SH3RF3: variants seen among roughly 807,000 people sequenced by gnomAD.
SH3RF3 encodes the protein SH3 domain containing ring finger 3, also known as E3 ubiquitin-protein ligase SH3RF3.
Under a neutral mutation model 66.3 loss-of-function variants are expected in SH3RF3, and 29 were observed. That is an observed-to-expected ratio of 0.44 (90% CI 0.33 to 0.60). The LOEUF is 0.60. Among genes scored for constraint, SH3RF3 ranks in the 20% least tolerant of loss-of-function variants. The pLI is 0.04. For synonymous variants in SH3RF3, 583 were observed against 532.0 expected (o/e 1.10, Z -1.32); for missense variants, 1,194 against 1,190.9 (o/e 1.00, Z -0.04).
intron 8 of SH3RF3, 73 bp downstream of exon 8, chr2:109,449,562 C>A: frequency 1.3e-6 from 2 of 1,523,834 alleles, no homozygotes; most frequent in Non-Finnish European, 1.8e-6. Context: ...CACTAGATGG[C>A]AGTGGCATTT....
At chr2:109,465,675 T>C (rs902180368) in intron 8 of SH3RF3, among the ~76,000 whole-genome samples, 1 of 152,216 alleles carries the variant, frequency 6.6e-6, no homozygotes, top group African/African-American at 2.4e-5. Flanking sequence ...CTGCAGGCTC[T>C]ACAGGAAGCA....
At position 109,502,210 on chromosome 2, in the gene SH3RF3, G is replaced by GTTCC. The variant is rs1218254022; in HGVS notation, c.*539_*540insTTCC. On this transcript the variant is annotated 3_prime_UTR_variant, in exon 10 of 10. Transcript: ENST00000309415. Reference sequence around the variant, plus strand: ...GAGGCCCTGGGGGTGCCCCGGAAGGGGCACCCCACCGCCCCTGTTGGGAAC... The same window carrying GTTCC: ...GAGGCCCTGGGGGTGCCCCGGAAGGGTTCCGCACCCCACCGCCCCTGTTGGGAAC... 6.6e-6 allele frequency: 1 copy of GTTCC among 151,838 alleles called. No homozygotes were observed. The highest frequency in any genetic ancestry group is 1.5e-5 in the Non-Finnish European group (1 of 67,994). The allele number at this position is 151,838 out of a possible 1,614,324, so 9.4% of individuals were successfully genotyped here.
intron 1 of SH3RF3, among the ~76,000 whole-genome samples, chr2:109,248,656 C>A (rs1679978075): frequency 6.6e-6 from 1 of 152,172 alleles, no homozygotes; most frequent in South Asian, 2.1e-4. Context: ...ATAATTAGTA[C>A]ACTTGGTGAG....
chr2:109,234,116 T>G (rs1238534555), intron 1 of SH3RF3, among the ~76,000 whole-genome samples: 1 of 152,224 alleles, frequency 6.6e-6, no homozygotes, highest in Non-Finnish European at 1.5e-5. Context: ...GTGTTTAATT[T>G]CCTTATAGGA....
chr2:109,241,859 G>A (rs927337406), intron 1 of SH3RF3, among the ~76,000 whole-genome samples: 4 of 151,292 alleles, frequency 2.6e-5, no homozygotes, highest in Admixed American at 6.6e-5. Context: ...TCCGCCTCCC[G>A]GGTTCACGCC....
intron 5 of SH3RF3, among the ~76,000 whole-genome samples, chr2:109,426,270 A>C (rs570618385): frequency 3.3e-5 from 5 of 152,372 alleles, no homozygotes; most frequent in African/African-American, 1.2e-4. Context: ...GGATCTGGGC[A>C]AAGTAAATTG....
intron 1 of SH3RF3, among the ~76,000 whole-genome samples, chr2:109,299,904 A>G (rs1681414185): frequency 6.6e-6 from 1 of 152,218 alleles, no homozygotes; most frequent in Non-Finnish European, 1.5e-5. Flanking sequence ...CCTGAATGAC[A>G]AGTAGGATGT....
intron 8 of SH3RF3, among the ~76,000 whole-genome samples, chr2:109,462,689 G>A (rs1255427753): frequency 1.3e-5 from 2 of 152,192 alleles, no homozygotes; most frequent in Non-Finnish European, 2.9e-5. Flanking sequence ...CTCTCCACAG[G>A]TCAGGAAACC....
chr2:109,193,043 A>G (rs772073015), intron 1 of SH3RF3, among the ~76,000 whole-genome samples: 13 of 152,242 alleles, frequency 8.5e-5, no homozygotes, highest in African/African-American at 1.2e-4. Flanking sequence ...ACAGATGTCA[A>G]TGTGCCAAGA....
chr2:109,447,758 A>G lies in SH3RF3; in HGVS notation c.1829-1412A>G, dbSNP rs565699176. Reference sequence around the variant, plus strand: ...TAACACACATAGTAGCAGGATTACTATTAATGTGGTGCTGTGTTTAAAGGG... The same window carrying G: ...TAACACACATAGTAGCAGGATTACTGTTAATGTGGTGCTGTGTTTAAAGGG... On this transcript the variant is annotated intron_variant, in intron 7 of 9. Transcript: ENST00000309415. Among the ~76,000 whole-genome samples, 8 of 152,326 alleles carry G rather than the reference A, an allele frequency of 5.3e-5. No individual in the cohort carries two copies. The East Asian group carries it at 1.4e-3, about 26-fold the overall frequency.
At chr2:109,188,668 C>T (rs1321029829) in intron 1 of SH3RF3, among the ~76,000 whole-genome samples, 6 of 152,164 alleles carry the variant, frequency 3.9e-5, no homozygotes, top group African/African-American at 1.4e-4. Context: ...GAATGCAAAG[C>T]GCTTGGGTTT....
intron 1 of SH3RF3, among the ~76,000 whole-genome samples, chr2:109,251,822 T>G (rs922712222): frequency 5.3e-5 from 8 of 152,208 alleles, no homozygotes; most frequent in Non-Finnish European, 5.9e-5. Flanking sequence ...TTTAATATTT[T>G]TAATACCAAT....
intron 1 of SH3RF3, among the ~76,000 whole-genome samples, chr2:109,182,692 T>G (rs1268941069): frequency 6.6e-6 from 1 of 152,250 alleles, no homozygotes; most frequent in Non-Finnish European, 1.5e-5. Flanking sequence ...GCTAGGCTGG[T>G]ATTTCCTTGA....
chr2:109,154,400 C>T (rs1455175391), intron 1 of SH3RF3, among the ~76,000 whole-genome samples: 1 of 152,178 alleles, frequency 6.6e-6, no homozygotes, highest in Admixed American at 6.5e-5. Context: ...GGCCCCCCAG[C>T]GCTGCTGCCA....
rs369111417 is a variant in SH3RF3 at position 109,445,138 on chromosome 2, A to C, written c.1829-4032A>C. Among the ~76,000 whole-genome samples, 6 of 152,352 alleles carry C rather than the reference A, an allele frequency of 3.9e-5. No homozygotes were observed. In the East Asian group the frequency reaches 9.6e-4, roughly 24 times the overall value. On this transcript the variant is annotated intron_variant, in intron 7 of 9. Transcript: ENST00000309415. ...AAGCCATACAGAGGAATTTATCCAG[A>C]ATACAGAGCAGAGATGAAAAATGTG... is the stretch of plus-strand genomic sequence containing the variant.
intron 1 of SH3RF3, among the ~76,000 whole-genome samples, chr2:109,242,570 G>A (rs902381879): frequency 1.3e-5 from 2 of 152,198 alleles, no homozygotes; most frequent in African/African-American, 2.4e-5. Flanking sequence ...ACTGACCACC[G>A]TGCCCCAGGC....
intron 9 of SH3RF3, among the ~76,000 whole-genome samples, chr2:109,496,008 C>T (rs754187779): frequency 5.3e-5 from 8 of 152,194 alleles, no homozygotes; most frequent in Non-Finnish European, 7.3e-5. Flanking sequence ...CAGACCTTCG[C>T]GGTGAAGAGC....
intron 5 of SH3RF3, among the ~76,000 whole-genome samples, chr2:109,424,088 G>T (rs1676966409): frequency 6.6e-6 from 1 of 152,206 alleles, no homozygotes; most frequent in Admixed American, 6.5e-5. Context: ...CATTGTCTAG[G>T]CTGGGTTTCC....
rs751695293 is a variant in SH3RF3, at chr2:109,399,011, A to G, written c.1299+68A>G. The G allele has an allele frequency of 2.2e-4, 315 of 1,464,808 alleles. 1 individual carries two copies. Among genetic ancestry groups the G allele is most frequent in the Non-Finnish European group, 2.7e-4 (293 of 1,089,558 alleles). The allele number at this position is 1,464,808 out of a possible 1,614,324, so 90.7% of individuals were successfully genotyped here. A position where few individuals can be genotyped will look rare whatever the true frequency, so the allele number is the denominator to read the frequency against. ...GGGTTCTATCCTCAGCTCCGTGTTC[A>G]GTGTCCCCCGTTCCTCAACTAGCAT... On this transcript the variant is annotated intron_variant, in intron 4 of 9. Coordinates refer to ENST00000309415, the MANE Select transcript of SH3RF3 (RefSeq NM_001099289.3).
Sources: gnomAD v4.1 joint callset for allele counts (sites outside exome capture counted in the v4.1 genomes callset) on GRCh38, gnomAD v4.1.1 for gene constraint, MANE v1.5 for transcripts, NCBI Gene and HGNC (gene_info 2026-07-23, HGNC 2026-07-21) for gene names.